The following SGCZ variants were observed in gnomAD, a reference collection of about 807,000 sequenced individuals.
SGCZ encodes zeta-sarcoglycan.
A neutral mutation model predicts 41.3 loss-of-function variants in SGCZ; 40 were observed. That is an observed-to-expected ratio of 0.97 (90% CI 0.75 to 1.26). The LOEUF (loss-of-function observed/expected upper bound fraction) is 1.26. Among genes scored for constraint, SGCZ ranks in the 50% most tolerant of loss-of-function variants. The pLI is 0.00. For missense variants in SGCZ, 552 were observed against 369.8 expected, an observed-to-expected ratio of 1.49 and a Z score of -4.04; for synonymous variants, 206 against 137.5, an observed-to-expected ratio of 1.50 and a Z score of -3.49.
At chr8:14,732,905 C>A (rs1299037031) in intron 1 of SGCZ, among the ~76,000 whole-genome samples, 1 of 142,876 alleles carries the variant, frequency 7.0e-6, no homozygotes, top group African/African-American at 2.6e-5. Flanking sequence ...ACATCATGTT[C>A]TAAAACACAT....
chr8:14,829,912 C>T (rs1034283158), intron 1 of SGCZ, among the ~76,000 whole-genome samples: 8 of 151,982 alleles, frequency 5.3e-5, no homozygotes, highest in African/African-American at 7.2e-5. Context: ...CCCGGGTTCA[C>T]GCCATTCTCC....
At chr8:15,170,509 C>A (rs1000597462) in intron 1 of SGCZ, among the ~76,000 whole-genome samples, 1 of 152,164 alleles carries the variant, frequency 6.6e-6, no homozygotes, top group African/African-American at 2.4e-5. Flanking sequence ...AACTAAAATT[C>A]TTTCTCAGTG....
chr8:14,500,876 A>C (rs191627051), intron 2 of SGCZ, among the ~76,000 whole-genome samples: 2 of 152,216 alleles, frequency 1.3e-5, no homozygotes, highest in Admixed American at 6.5e-5. Context: ...GACAAAAAGT[A>C]GTTCAGGAAA....
At chr8:14,751,254 A>G (rs1323063989) in intron 1 of SGCZ, among the ~76,000 whole-genome samples, 1 of 152,222 alleles carries the variant, frequency 6.6e-6, no homozygotes, top group Non-Finnish European at 1.5e-5. Context: ...GAATCAGCAA[A>G]TGATACATGT....
intron 2 of SGCZ, among the ~76,000 whole-genome samples, chr8:14,373,657 T>C (rs1193424753): frequency 6.6e-6 from 1 of 152,198 alleles, no homozygotes; most frequent in Admixed American, 6.5e-5. Context: ...TCTGGTGAAT[T>C]TGCAGTCACT....
At chr8:14,796,960 G>C (rs1801154785) in intron 1 of SGCZ, among the ~76,000 whole-genome samples, 1 of 152,128 alleles carries the variant, frequency 6.6e-6, no homozygotes, top group Admixed American at 6.5e-5. Flanking sequence ...ATGATTGTAA[G>C]TTTCCTGATG....
At chr8:14,334,227 G>C (rs964047787) in intron 2 of SGCZ, among the ~76,000 whole-genome samples, 4 of 151,966 alleles carry the variant, frequency 2.6e-5, no homozygotes, top group African/African-American at 9.7e-5. Context: ...ATTTCTTCTA[G>C]ACTCATAAGA....
intron 1 of SGCZ, among the ~76,000 whole-genome samples, chr8:14,768,501 A>C (rs1800116891): frequency 6.6e-6 from 1 of 152,236 alleles, no homozygotes; most frequent in African/African-American, 2.4e-5. Context: ...TTCTCCAAAC[A>C]TAAAATGCTA....
chr8:14,401,390 A>C, intron 2 of SGCZ, among the ~76,000 whole-genome samples: 1 of 148,030 alleles, frequency 6.8e-6, no homozygotes, highest in Middle Eastern at 3.5e-3. Context: ...ACACCCAATA[A>C]CTCGTCATCT....
intron 2 of SGCZ, among the ~76,000 whole-genome samples, chr8:14,410,196 A>G (rs1799321460): frequency 6.6e-6 from 1 of 152,238 alleles, no homozygotes; most frequent in South Asian, 2.1e-4. Flanking sequence ...CTGAGGTGGA[A>G]CATTTATCCC....
intron 1 of SGCZ, among the ~76,000 whole-genome samples, chr8:14,870,972 C>T (rs1417983083): frequency 2.0e-5 from 3 of 152,130 alleles, no homozygotes; most frequent in African/African-American, 7.2e-5. Flanking sequence ...CTTTGGGAGG[C>T]CGAGGCAGGA....
At chr8:14,254,574 A>C (rs934468846) in intron 3 of SGCZ, among the ~76,000 whole-genome samples, 1 of 152,224 alleles carries the variant, frequency 6.6e-6, no homozygotes, top group Non-Finnish European at 1.5e-5. Context: ...ATATTCCTCT[A>C]AATTGTTTCA....
At chr8:14,324,949 G>A (rs530262858) in intron 2 of SGCZ, among the ~76,000 whole-genome samples, 1 of 152,196 alleles carries the variant, frequency 6.6e-6, no homozygotes, top group East Asian at 1.9e-4. Context: ...TAAACATTCT[G>A]GCAACATTTA....
intron 1 of SGCZ, among the ~76,000 whole-genome samples, chr8:15,019,062 C>G (rs1235500485): frequency 6.6e-6 from 1 of 152,178 alleles, no homozygotes; most frequent in Non-Finnish European, 1.5e-5. Flanking sequence ...ATCATGAGAA[C>G]AGCAAAGGGG....
rs1160013408 is a variant in SGCZ, at chr8:15,127,254, AC to A, written c.39+110330del. 0.043 allele frequency among the ~76,000 whole-genome samples: 294 copies of A among 6,838 alleles called. 3 individuals are homozygous for A. The East Asian group carries it at 0.44, about 10-fold the overall frequency. 4.5% of individuals were successfully genotyped at this position (6,838 alleles called of 152,430 possible). A position where few individuals can be genotyped will look rare whatever the true frequency, so the allele number is the denominator to read the frequency against. Reference sequence around the variant, plus strand: ...TAGGCACACACACACACACACACACACAAACAAACACACACACACACACACA... The same window carrying A: ...TAGGCACACACACACACACACACACAAAACAAACACACACACACACACACA... On this transcript the variant is annotated intron_variant, in intron 1 of 7. Coordinates refer to ENST00000382080, the MANE Select transcript of SGCZ (RefSeq NM_139167.4).
chr8:14,842,503 GGAAAGGAA>G (rs1802959145), intron 1 of SGCZ, among the ~76,000 whole-genome samples: 1 of 142,704 alleles, frequency 7.0e-6, no homozygotes, highest in African/African-American at 2.7e-5. Flanking sequence ...AAGAAAGGAA[GGAAAGGAA>G]GGAAGGAAGG....
At chr8:14,997,154 G>C (rs1345596778) in intron 1 of SGCZ, among the ~76,000 whole-genome samples, 1 of 151,828 alleles carries the variant, frequency 6.6e-6, no homozygotes, top group African/African-American at 2.4e-5. Context: ...TCTCTTCTTC[G>C]TCACATTCAC....
chr8:14,800,902 A>C (rs1462476948), intron 1 of SGCZ, among the ~76,000 whole-genome samples: 1 of 110,896 alleles, frequency 9.0e-6, no homozygotes, highest in Non-Finnish European at 1.9e-5. Flanking sequence ...CAAACAAAAA[A>C]CATCAGAAAA....
chr8:14,335,635 G>T (rs1585377882), intron 2 of SGCZ, among the ~76,000 whole-genome samples: 1 of 152,086 alleles, frequency 6.6e-6, no homozygotes. Context: ...ATATATTATT[G>T]TCTCTCTCCA....
Sources: gnomAD v4.1 joint callset for allele counts (sites outside exome capture counted in the v4.1 genomes callset) on GRCh38, gnomAD v4.1.1 for gene constraint, MANE v1.5 for transcripts, NCBI Gene and HGNC (gene_info 2026-07-23, HGNC 2026-07-21) for gene names.